Variants in BTNL9 observed in about 807,000 individuals in gnomAD.
The protein encoded by BTNL9 is butyrophilin-like protein 9.
In BTNL9, 45 loss-of-function variants were observed where a neutral mutation model predicts 45.8. The ratio of observed to expected loss-of-function variants is 0.98; its 90% confidence interval spans 0.77 to 1.26. The LOEUF (loss-of-function observed/expected upper bound fraction) is 1.26. Ranked by LOEUF, BTNL9 falls within the 50% of genes most tolerant of loss-of-function variation. BTNL9 has a pLI of 0.00. For synonymous variants in BTNL9, 346 were observed against 330.8 expected (o/e 1.05, Z -0.50); for missense variants, 784 against 729.7 (o/e 1.07, Z -0.86).
At position 181,045,609 on chromosome 5, in the gene BTNL9, T is replaced by C. The variant is rs1761064381; in HGVS notation, c.109+11T>C. 1 of 1,600,712 alleles carries C rather than the reference T, an allele frequency of 6.2e-7. No individual in the cohort carries two copies. Among genetic ancestry groups the C allele is most frequent in the African/African-American group, 1.3e-5 (1 of 74,480 alleles). Reference sequence around the variant, plus strand: ...GGGAGCCGAGCTCAGGTATTGTGTCTGCAGCCTAGCTGGCCAGGATGTGAA... The same window carrying C: ...GGGAGCCGAGCTCAGGTATTGTGTCCGCAGCCTAGCTGGCCAGGATGTGAA... On this transcript the variant is annotated intron_variant, in intron 2 of 10. Transcript: ENST00000327705.
chr5:181,059,447 TG>T lies in BTNL9; in HGVS notation c.1196del (p.Gly399AlafsTer15). The T allele has an allele frequency of 6.8e-7, 1 of 1,465,340 alleles. No individual in the cohort carries two copies. The allele number at this position is 1,465,340 out of a possible 1,614,324, so 90.8% of individuals were successfully genotyped here. Reference protein sequence around the residue: ...VHVGRRSRWFLGACLAAVPRA... With the variant: ...VHVGRRSRWFXGACLAAVPRA... Reference sequence around the variant, plus strand: ...GTGGGCCGCCGCAGCCGCTGGTTCCTGGGCGCCTGCCTGGCCGCGGTGCCGC... The same window carrying T: ...GTGGGCCGCCGCAGCCGCTGGTTCCTGGCGCCTGCCTGGCCGCGGTGCCGC... On this transcript the variant is annotated frameshift_variant, in exon 11 of 11. Transcript: ENST00000327705. LOFTEE classifies it low-confidence loss of function (END_TRUNC).
intron 4 of BTNL9, among the ~76,000 whole-genome samples, chr5:181,051,587 A>G (rs1468356333): frequency 6.6e-6 from 1 of 152,192 alleles, no homozygotes; most frequent in East Asian, 1.9e-4. Context: ...TACAACTTGG[A>G]GCCACGCAGC....
Position 181,050,495 on chromosome 5 carries a change from C to T in BTNL9, c.736+126C>T, listed in dbSNP as rs1051346545. On this transcript the variant is annotated intron_variant, in intron 4 of 10. Transcript: ENST00000327705. This position sits in a 1 kb window ranked among gnomAD's most constrained non-coding sequence, Gnocchi z 4.9. ...TGCATATAGGGTGTGTTGGCCTTGA[C>T]ACCTGAAAAGTCAGCACCTTGGATA... is the stretch of plus-strand genomic sequence containing the variant. The T allele has an allele frequency of 2.4e-4, 285 of 1,206,118 alleles. No homozygotes were observed. The highest frequency in any genetic ancestry group is 3.1e-4 in the Non-Finnish European group (265 of 857,052). The allele number at this position is 1,206,118 out of a possible 1,614,324, so 74.7% of individuals were successfully genotyped here.
intron 1 of BTNL9, among the ~76,000 whole-genome samples, chr5:181,043,184 G>A (rs923878675): frequency 3.1e-4 from 47 of 150,122 alleles, no homozygotes; most frequent in Admixed American, 2.0e-4. Flanking sequence ...CTGTCAGCAC[G>A]TGTGTGTGTG....
chr5:181,055,179 T>G lies in BTNL9; in HGVS notation c.908-254T>G. The G allele has an allele frequency of 7.5e-7, 1 of 1,339,810 alleles. No individual in the cohort carries two copies. Among genetic ancestry groups the G allele is most frequent in the South Asian group, 1.9e-5 (1 of 53,192 alleles). The allele number at this position is 1,339,810 out of a possible 1,614,324, so 83.0% of individuals were successfully genotyped here. On this transcript the variant is annotated intron_variant, in intron 7 of 10. Transcript: ENST00000327705. The surrounding 1 kb of genome is among the most constrained non-coding windows in gnomAD (Gnocchi z 4.4). ...ACCCTGGGAAGAGGCCTGTCAGTAC[T>G]AAGATCTGGTATCCCTTCTAGGCTG...
intron 3 of BTNL9, among the ~76,000 whole-genome samples, chr5:181,049,692 G>A (rs1215144824): frequency 6.6e-6 from 1 of 152,330 alleles, no homozygotes; most frequent in South Asian, 2.1e-4. Context: ...AGAGATAAGG[G>A]AGTGTGTATA....
At chr5:181,051,478 C>T (rs996482894) in intron 4 of BTNL9, among the ~76,000 whole-genome samples, 21 of 152,162 alleles carry the variant, frequency 1.4e-4, no homozygotes, top group African/African-American at 5.1e-4. Context: ...CACCGCTTAC[C>T]ACAGCAGTTC....
intron 1 of BTNL9, among the ~76,000 whole-genome samples, chr5:181,044,377 G>A: frequency 6.6e-6 from 1 of 152,290 alleles, no homozygotes; most frequent in Middle Eastern, 3.4e-3. Flanking sequence ...GGGAGACAGA[G>A]AGGGTTGGAG....
At position 181,055,646 on chromosome 5, in the gene BTNL9, G is replaced by C. The variant is rs1003894294; in HGVS notation, c.928+193G>C. The C allele has an allele frequency of 2.0e-5, 14 of 716,616 alleles. No homozygotes were observed. The highest frequency in any genetic ancestry group is 3.3e-5 in the Non-Finnish European group (14 of 419,066). 44.4% of individuals were successfully genotyped at this position (716,616 alleles called of 1,614,324 possible). A position where few individuals can be genotyped will look rare whatever the true frequency, so the allele number is the denominator to read the frequency against. On this transcript the variant is annotated intron_variant, in intron 8 of 10. Coordinates refer to ENST00000327705, the MANE Select transcript of BTNL9 (RefSeq NM_152547.5). This position sits in a 1 kb window ranked among gnomAD's most constrained non-coding sequence, Gnocchi z 4.4. ...TAGCCCGGCGTGGCGGCATGTGCCTGTAGTCCCAGCTACATGGGAGGCTGA... is the reference window on the plus strand; with the variant it reads ...TAGCCCGGCGTGGCGGCATGTGCCTCTAGTCCCAGCTACATGGGAGGCTGA...
At chr5:181,054,754 G>A (rs997552457) in intron 7 of BTNL9, 25 of 985,184 alleles carry the variant, frequency 2.5e-5, no homozygotes, top group African/African-American at 7.0e-5. Flanking sequence ...TGGGGTTGGG[G>A]GGGCAATTCA....
chr5:181,058,729 G>C (rs578244468), intron 10 of BTNL9, among the ~76,000 whole-genome samples: 1 of 152,112 alleles, frequency 6.6e-6, no homozygotes, highest in East Asian at 1.9e-4. Flanking sequence ...AGATGGCATG[G>C]GGTGTTGAAA....
At position 181,053,202 on chromosome 5, in the gene BTNL9, G is replaced by A. The variant is rs774933508; in HGVS notation, c.739G>A (p.Val247Met). 4 of 1,578,670 alleles carry A rather than the reference G, an allele frequency of 2.5e-6. 1 individual carries two copies. The South Asian group carries it at 3.4e-5, about 13-fold the overall frequency. ...CGGCCCCCGCGGGTGTTTTCCAGAC[G>A]TGTTCGTACCCGGAGCCTCTGCGTG... ...KKELVVQIAD[V>M]FVPGASAWKS... The change falls in exon 5 of 11, where the codon GTG (valine) becomes ATG (methionine). Residue 247 changes from valine (V) to methionine (M), a missense_variant and splice_region_variant. Transcript: ENST00000327705. The surrounding 1 kb of genome is among the most constrained non-coding windows in gnomAD (Gnocchi z 6.5).
intron 3 of BTNL9, among the ~76,000 whole-genome samples, chr5:181,048,519 C>T (rs1761313917): frequency 6.6e-6 from 1 of 151,612 alleles, no homozygotes; most frequent in Non-Finnish European, 1.5e-5. Flanking sequence ...CTTTGGTAGA[C>T]CGAGGCAAGC....
chr5:181,056,243 G>C (rs965920781), intron 9 of BTNL9, among the ~76,000 whole-genome samples: 2 of 152,128 alleles, frequency 1.3e-5, no homozygotes, highest in Non-Finnish European at 2.9e-5. Context: ...CTCGACTCCT[G>C]GTGCCCATCC....
intron 1 of BTNL9, among the ~76,000 whole-genome samples, chr5:181,043,832 A>C (rs552612284): frequency 3.4e-4 from 52 of 152,370 alleles, no homozygotes; most frequent in African/African-American, 1.2e-3. Flanking sequence ...CACCTGTCGC[A>C]GAGAGGCTTC....
rs1002253572 is a variant in BTNL9 at position 181,059,483 on chromosome 5, C to T, written c.1229C>T (p.Pro410Leu). Residue 410 changes from proline (P) to leucine (L), a missense_variant, in exon 11 of 11, where the codon CCT becomes CTT. Coordinates refer to ENST00000327705, the MANE Select transcript of BTNL9 (RefSeq NM_152547.5). The stretch of plus-strand genomic sequence containing the variant: ...CTGGCCGCGGTGCCGCGCGCGGGGC[C>T]TGCGCGCCTGAGCCCTGCGGCCGGC... ...ACLAAVPRAG[P>L]ARLSPAAGYW... is the part of the protein sequence containing the mutation. 6 of 1,489,248 alleles carry T rather than the reference C, an allele frequency of 4.0e-6. No individual in the cohort carries two copies. The highest frequency in any genetic ancestry group is 8.9e-7 in the Non-Finnish European group (1 of 1,125,418). 92.3% of individuals were successfully genotyped at this position (1,489,248 alleles called of 1,614,324 possible).
chr5:181,058,815 A>T (rs1196985950), intron 10 of BTNL9, among the ~76,000 whole-genome samples: 4 of 98,408 alleles, frequency 4.1e-5, no homozygotes, highest in Non-Finnish European at 7.6e-5. Flanking sequence ...GACTGTATGT[A>T]AAAAAAAAAA....
At chr5:181,049,400 T>C (rs1761411745) in intron 3 of BTNL9, among the ~76,000 whole-genome samples, 1 of 152,192 alleles carries the variant, frequency 6.6e-6, no homozygotes, top group South Asian at 2.1e-4. Context: ...GATGAGGTGG[T>C]CTCTGAATGG....
Position 181,056,209 on chromosome 5 carries a change from A to T in BTNL9, c.955+194A>T, listed in dbSNP as rs144751346. Among the ~76,000 whole-genome samples, 323 of 152,200 alleles carry T rather than the reference A, an allele frequency of 2.1e-3. 4 individuals are homozygous for T. The highest frequency in any genetic ancestry group is 0.02 in the Middle Eastern group (6 of 294). On this transcript the variant is annotated intron_variant, in intron 9 of 10. Transcript: ENST00000327705. ...AGTGTACTGCAAACCACTAGTTCCA[A>T]TCCTGGTTACATATCAGAGTTACCT...
Sources: allele counts gnomAD v4.1 joint callset (sites outside exome capture counted in the v4.1 genomes callset), GRCh38; gene constraint gnomAD v4.1.1; non-coding constraint Gnocchi (gnomAD v3.1); transcripts MANE v1.5; gene names NCBI Gene and HGNC (gene_info 2026-07-23, HGNC 2026-07-21).